The following TMEM266 variants were observed in gnomAD, a reference collection of about 807,000 sequenced individuals.
TMEM266 encodes the protein transmembrane protein 266.
A neutral mutation model predicts 50.5 loss-of-function variants in TMEM266; 33 were observed. The ratio of observed to expected loss-of-function variants is 0.65; its 90% confidence interval spans 0.50 to 0.87. TMEM266 has a LOEUF of 0.87. TMEM266 is among the 40% of genes least tolerant of loss of function. The pLI is 0.00. For synonymous variants in TMEM266, 310 were observed against 292.3 expected (o/e 1.06, Z -0.62); for missense variants, 655 against 695.1 (o/e 0.94, Z 0.65).
In TMEM266 at chr15:76,203,937, C is replaced by A. The variant is rs1380688779; in HGVS notation, c.1218C>A (p.Gly406=). 6.2e-7 allele frequency: 1 copy of A among 1,614,018 alleles called. No homozygotes were observed. Residue 406 remains glycine, a synonymous_variant, in exon 11 of 11, where the codon GGC becomes GGA. Transcript: ENST00000388942. The stretch of plus-strand genomic sequence containing the variant: ...AGAGTGACAGCAGCCAGACGCTGGG[C>A]TCCTCCATGGACTGCAGCACTGCCC...
At chr15:76,185,902 C>G (rs912698367) in intron 8 of TMEM266, among the ~76,000 whole-genome samples, 11 of 152,122 alleles carry the variant, frequency 7.2e-5, no homozygotes, top group African/African-American at 2.7e-4. Flanking sequence ...AGTCCATTTG[C>G]CTTATTGGAC....
chr15:76,182,622 T>G (rs913607689), intron 8 of TMEM266, among the ~76,000 whole-genome samples: 1 of 152,032 alleles, frequency 6.6e-6, no homozygotes, highest in South Asian at 2.1e-4. Context: ...CCAGCCTGGG[T>G]GACAGAGCGA....
intron 5 of TMEM266, among the ~76,000 whole-genome samples, chr15:76,169,490 G>A (rs910348433): frequency 1.3e-5 from 2 of 151,472 alleles, no homozygotes; most frequent in Non-Finnish European, 2.9e-5. Context: ...AAGGTCCTAA[G>A]TATCCTTCCA....
intron 3 of TMEM266, among the ~76,000 whole-genome samples, chr15:76,150,037 A>G (rs996075620): frequency 6.6e-6 from 1 of 152,218 alleles, no homozygotes; most frequent in African/African-American, 2.4e-5. Flanking sequence ...TAGAACTGGC[A>G]CGAGTGGAGC....
intron 8 of TMEM266, chr15:76,178,616 A>G (rs55812581): frequency 0.22 from 33,105 of 151,978 alleles, 4,449 homozygotes; most frequent in Non-Finnish European, 0.3. Flanking sequence ...GGTTTCCACC[A>G]TGACCTCTGT....
Position 76,168,208 on chromosome 15 carries a change from C to T in TMEM266, c.457-1608C>T, listed in dbSNP as rs1160509701. On this transcript the variant is annotated intron_variant, in intron 5 of 10. Transcript: ENST00000388942. This position sits in a 1 kb window ranked among gnomAD's most constrained non-coding sequence, Gnocchi z 4.4. Reference sequence around the variant, plus strand: ...CGCAGTTAAGCGTGGGGCCACCCACCCAGAGACCGGGAAGTTATAGCGGAG... The same window carrying T: ...CGCAGTTAAGCGTGGGGCCACCCACTCAGAGACCGGGAAGTTATAGCGGAG... Among the ~76,000 whole-genome samples, 1 of 152,202 alleles carries T rather than the reference C, an allele frequency of 6.6e-6. No homozygotes were observed. Among genetic ancestry groups the T allele is most frequent in the Admixed American group, 6.5e-5 (1 of 15,278 alleles).
intron 3 of TMEM266, among the ~76,000 whole-genome samples, chr15:76,155,707 G>A (rs1028067420): frequency 2.0e-5 from 3 of 151,986 alleles, no homozygotes; most frequent in African/African-American, 4.8e-5. Flanking sequence ...TTCCCAAAAC[G>A]TACCCAACCA....
intron 8 of TMEM266, among the ~76,000 whole-genome samples, chr15:76,183,378 A>G (rs931578686): frequency 6.6e-6 from 1 of 152,012 alleles, no homozygotes; most frequent in Admixed American, 6.6e-5. Context: ...GGCCTCCCAA[A>G]GTGCAGGGAT....
At chr15:76,064,394 T>C (rs1212506035) in intron 1 of TMEM266, among the ~76,000 whole-genome samples, 1 of 151,932 alleles carries the variant, frequency 6.6e-6, no homozygotes. Context: ...ACTCCACATA[T>C]ATCTTTCATT....
chr15:76,115,953 G>GTGA lies in TMEM266; in HGVS notation c.-96-18215_-96-18214insTGA, dbSNP rs1378260173. Among the ~76,000 whole-genome samples the GTGA allele has an allele frequency of 4.9e-4, 74 of 152,328 alleles. 1 individual carries two copies. The South Asian group carries it at 0.011, about 22-fold the overall frequency. On this transcript the variant is annotated intron_variant, in intron 1 of 10. Transcript: ENST00000388942. ...GATGTTTTTACTGGAGCAGTGCTCAGCAGATGCTCGGTGTTGCTGACTTTC... is the reference window on the plus strand; with the variant it reads ...GATGTTTTTACTGGAGCAGTGCTCAGTGACAGATGCTCGGTGTTGCTGACTTTC...
In TMEM266 at chr15:76,203,994, T is replaced by G. The variant is rs574534847; in HGVS notation, c.1275T>G (p.Ser425=). 1 of 1,606,054 alleles carries G rather than the reference T, an allele frequency of 6.2e-7. No homozygotes were observed. Among genetic ancestry groups the G allele is most frequent in the South Asian group, 1.1e-5 (1 of 90,850 alleles). The change falls in exon 11 of 11, where the codon TCT becomes TCG. Residue 425 remains serine, a synonymous_variant. Transcript: ENST00000388942. ...AGCCGTCCTCTGAGCCCGGCCCTTC[T>G]CCCCCGCCGCTGCCATCCCAGCAGC... is the stretch of plus-strand genomic sequence containing the variant.
At chr15:76,165,945 GT>G (rs2038088383) in intron 5 of TMEM266, among the ~76,000 whole-genome samples, 1 of 152,150 alleles carries the variant, frequency 6.6e-6, no homozygotes, top group South Asian at 2.1e-4. Context: ...CTCCGGGGGA[GT>G]TTGTTTAAAA....
chr15:76,178,543 C>T (rs1303281467), intron 8 of TMEM266: 2 of 152,478 alleles, frequency 1.3e-5, no homozygotes, highest in African/African-American at 4.8e-5. Flanking sequence ...CCGCACACCT[C>T]ACCTCAGCCA....
intron 5 of TMEM266, among the ~76,000 whole-genome samples, chr15:76,167,276 C>A (rs551671793): frequency 6.6e-6 from 1 of 151,970 alleles, no homozygotes; most frequent in Non-Finnish European, 1.5e-5. Flanking sequence ...CGAGACCATC[C>A]TGGCTAACAT....
intron 1 of TMEM266, among the ~76,000 whole-genome samples, chr15:76,119,883 A>T (rs1274317552): frequency 1.3e-5 from 2 of 152,192 alleles, no homozygotes; most frequent in Admixed American, 6.5e-5. Context: ...TGCTTTTGCC[A>T]TTGTCCTCCA....
intron 9 of TMEM266, among the ~76,000 whole-genome samples, chr15:76,201,713 G>A (rs2142092201): frequency 6.6e-6 from 1 of 152,326 alleles, no homozygotes; most frequent in African/African-American, 2.4e-5. Flanking sequence ...TGCATGGAAG[G>A]CTGGAGCCCA....
intron 8 of TMEM266, among the ~76,000 whole-genome samples, chr15:76,184,570 A>C (rs2038467070): frequency 6.6e-6 from 1 of 152,280 alleles, no homozygotes; most frequent in African/African-American, 2.4e-5. Context: ...GCCTGTGCAG[A>C]CAGCACTAAT....
intron 5 of TMEM266, among the ~76,000 whole-genome samples, chr15:76,162,463 C>T (rs1362635131): frequency 6.6e-6 from 1 of 152,196 alleles, no homozygotes; most frequent in Non-Finnish European, 1.5e-5. Context: ...TGGAAACATG[C>T]GACCATGTCT....
chr15:76,100,654 T>C (rs1362119030), intron 1 of TMEM266, among the ~76,000 whole-genome samples: 2 of 152,220 alleles, frequency 1.3e-5, no homozygotes, highest in Non-Finnish European at 2.9e-5. Flanking sequence ...TTTCCTTCAA[T>C]TCAGGGAACT....
Sources: allele counts gnomAD v4.1 joint callset (sites outside exome capture counted in the v4.1 genomes callset), GRCh38; gene constraint gnomAD v4.1.1; non-coding constraint Gnocchi (gnomAD v3.1); transcripts MANE v1.5; gene names NCBI Gene and HGNC (gene_info 2026-07-23, HGNC 2026-07-21).